GPC3: variants seen among roughly 807,000 people sequenced by gnomAD.
GPC3 encodes glypican 3, also known as glypican-3.
GPC3 carries 3 observed loss-of-function variants against 34.4 expected under a neutral mutation model. That is an observed-to-expected ratio of 0.09 (90% confidence interval 0.04 to 0.23). The LOEUF (loss-of-function observed/expected upper bound fraction) is 0.23. Among genes scored for constraint, GPC3 ranks in the 10% least tolerant of loss-of-function variants. The pLI is 1.00. For synonymous variants in GPC3, 177 were observed against 174.0 expected, an observed-to-expected ratio of 1.02 and a Z score of -0.13; for missense variants, 351 against 445.6, an observed-to-expected ratio of 0.79 and a Z score of 1.91.
At chrX:133,692,166 A>G (rs753673436) in intron 5 of GPC3, among the ~76,000 whole-genome samples, 1 of 112,326 alleles carries the variant, frequency 8.9e-6, no homozygotes, top group Non-Finnish European at 1.9e-5. Context: ...GCTGGTCTCG[A>G]ACTCCTGACC....
At chrX:133,871,764 G>A (rs1403824356) in intron 2 of GPC3, among the ~76,000 whole-genome samples, 2 of 111,905 alleles carry the variant, frequency 1.8e-5, no homozygotes, top group African/African-American at 3.2e-5. Flanking sequence ...GAATCCTACC[G>A]CCTCACATTC....
intron 7 of GPC3, among the ~76,000 whole-genome samples, chrX:133,568,276 A>G (rs1220340059): frequency 1.8e-5 from 2 of 111,811 alleles, no homozygotes; most frequent in Non-Finnish European, 1.9e-5. Flanking sequence ...CCACATTCCC[A>G]TTACTAAAGG....
At chrX:133,911,044 G>A (rs1350257988) in intron 2 of GPC3, among the ~76,000 whole-genome samples, 1 of 111,708 alleles carries the variant, frequency 9.0e-6, no homozygotes, top group Non-Finnish European at 1.9e-5. Context: ...TCTGTACTAT[G>A]TTCAGGAAGA....
At position 133,851,382 on chromosome X, in the gene GPC3, G is replaced by A. The variant is rs145510791; in HGVS notation, c.338-97206C>T. ...ATCAGTGGATTACTTAGCTCTCTAG[G>A]TACTATACCACCATCTTACCCTCCT... On this transcript the variant is annotated intron_variant, in intron 2 of 7. Coordinates refer to ENST00000370818, the MANE Select transcript of GPC3 (RefSeq NM_004484.4). Among the ~76,000 whole-genome samples the A allele has an allele frequency of 2.4e-3, 265 of 111,666 alleles. 1 individual carries two copies. The highest frequency in any genetic ancestry group is 7.9e-3 in the African/African-American group (244 of 30,764).
intron 6 of GPC3, among the ~76,000 whole-genome samples, chrX:133,602,552 G>A (rs1042488486): frequency 2.7e-5 from 3 of 111,677 alleles, no homozygotes; most frequent in South Asian, 7.6e-4. Context: ...TCCCTGGTCC[G>A]TGGCAAAATT....
At chrX:133,660,275 T>C (rs2070704356) in intron 6 of GPC3, among the ~76,000 whole-genome samples, 1 of 112,569 alleles carries the variant, frequency 8.9e-6, no homozygotes, top group Non-Finnish European at 1.9e-5. Context: ...CCAATGTCTT[T>C]GTATTAAAAC....
Position 133,753,572 on chromosome X carries a change from A to G in GPC3, c.942T>C (p.Tyr314=), listed in dbSNP as rs1603240471. The G allele has an allele frequency of 1.7e-6, 2 of 1,208,582 alleles. No homozygotes were observed. Among genetic ancestry groups the G allele is most frequent in the Non-Finnish European group, 2.2e-6 (2 of 892,458 alleles). The part of the protein sequence containing the change: ...EELVNGMYRI[Y]DMENVLLGLF... ...GACCAAGCAGTACGTTCTCCATGTC[A>G]TAGATTCTGTACATGCCATTCACAA... Residue 314 remains tyrosine, a synonymous_variant, in exon 3 of 8, where the codon TAT becomes TAC. Coordinates refer to ENST00000370818, the MANE Select transcript of GPC3 (RefSeq NM_004484.4).
intron 6 of GPC3, among the ~76,000 whole-genome samples, chrX:133,610,829 A>T (rs1425724853): frequency 9.5e-6 from 1 of 104,956 alleles, no homozygotes; most frequent in Non-Finnish European, 1.9e-5. Context: ...CTTACAAGGG[A>T]ATTAGAAAAG....
chrX:133,746,060 A>G (rs992515566), intron 3 of GPC3, among the ~76,000 whole-genome samples: 19 of 112,130 alleles, frequency 1.7e-4, no homozygotes, highest in African/African-American at 6.1e-4. Flanking sequence ...TCTTTGCCTT[A>G]CCCTGTGGGA....
chrX:133,570,089 C>T (rs2069613721), intron 7 of GPC3, among the ~76,000 whole-genome samples: 1 of 110,958 alleles, frequency 9.0e-6, no homozygotes, highest in Non-Finnish European at 1.9e-5. Flanking sequence ...GACGGGGTTT[C>T]ACCGTGTTAG....
At chrX:133,892,935 C>T (rs745442983) in intron 2 of GPC3, among the ~76,000 whole-genome samples, 117 of 111,806 alleles carry the variant, frequency 1.0e-3, no homozygotes, top group Non-Finnish European at 1.9e-3. Context: ...GAGTCTCAGT[C>T]TTTCGGAGAG....
intron 2 of GPC3, among the ~76,000 whole-genome samples, chrX:133,846,669 TA>T (rs904411066): frequency 7.2e-5 from 8 of 111,478 alleles, no homozygotes; most frequent in Middle Eastern, 4.6e-3. Context: ...TCTGAAATCC[TA>T]AAAAAAAGTA....
chrX:133,980,770 T>C (rs1364441866), intron 1 of GPC3, among the ~76,000 whole-genome samples: 2 of 112,534 alleles, frequency 1.8e-5, no homozygotes, highest in East Asian at 5.6e-4. Flanking sequence ...GGCGTGGTCA[T>C]TGATAGCTGT....
At chrX:133,788,109 T>TATATATATAC (rs2072123253) in intron 2 of GPC3, among the ~76,000 whole-genome samples, 1 of 89,647 alleles carries the variant, frequency 1.1e-5, no homozygotes, top group East Asian at 3.5e-4. Context: ...TATATATATA[T>TATATATATAC]ATATATATAT....
chrX:133,585,260 T>C (rs1449973371), intron 7 of GPC3, among the ~76,000 whole-genome samples: 1 of 111,892 alleles, frequency 8.9e-6, no homozygotes, highest in Non-Finnish European at 1.9e-5. Context: ...TGACAGCACA[T>C]GCGTGCACAT....
At chrX:133,931,017 T>C (rs1457320464) in intron 2 of GPC3, among the ~76,000 whole-genome samples, 1 of 111,748 alleles carries the variant, frequency 8.9e-6, no homozygotes, top group Non-Finnish European at 1.9e-5. Flanking sequence ...ACAGATAGTA[T>C]CGAGCAGAGA....
At chrX:133,809,330 G>A (rs2075652553) in intron 2 of GPC3, among the ~76,000 whole-genome samples, 1 of 112,048 alleles carries the variant, frequency 8.9e-6, no homozygotes, top group Middle Eastern at 4.2e-3. Context: ...CAAATGTCTA[G>A]TTTGCCTAGA....
intron 3 of GPC3, among the ~76,000 whole-genome samples, chrX:133,722,221 T>C (rs765997844): frequency 8.9e-6 from 1 of 111,941 alleles, no homozygotes; most frequent in Non-Finnish European, 1.9e-5. Flanking sequence ...TGTCTGTTCC[T>C]ATTTATCATA....
chrX:133,898,059 A>G (rs946109031), intron 2 of GPC3, among the ~76,000 whole-genome samples: 5 of 111,330 alleles, frequency 4.5e-5, no homozygotes, highest in African/African-American at 1.6e-4. Context: ...AAGTGGTTAG[A>G]TTTGTATTTT....
Sources: gnomAD v4.1 joint callset for allele counts (sites outside exome capture counted in the v4.1 genomes callset) on GRCh38, gnomAD v4.1.1 for gene constraint, MANE v1.5 for transcripts, NCBI Gene and HGNC (gene_info 2026-07-23, HGNC 2026-07-21) for gene names.